The following TRIM3 variants were observed in gnomAD, a reference collection of about 807,000 sequenced individuals.
TRIM3 encodes the protein tripartite motif containing 3.
A neutral mutation model predicts 66.6 loss-of-function variants in TRIM3; 13 were observed. The ratio of observed to expected loss-of-function variants is 0.20; its 90% confidence interval spans 0.13 to 0.31. TRIM3 has a LOEUF of 0.31. Among genes scored for constraint, TRIM3 ranks in the 10% least tolerant of loss-of-function variants. The pLI is 1.00. For missense variants in TRIM3, 711 were observed against 1,020.4 expected (o/e 0.70, Z 4.13); for synonymous variants, 406 against 411.7 (o/e 0.99, Z 0.17).
chr11:6,470,495 C>T (rs1020168052), intron 1 of TRIM3, among the ~76,000 whole-genome samples: 1 of 152,200 alleles, frequency 6.6e-6, no homozygotes, highest in Non-Finnish European at 1.5e-5. Context: ...CCTCAAACTC[C>T]TGGGCTCAAC....
At position 6,448,836 on chromosome 11, in the gene TRIM3, G is replaced by A; in HGVS notation, c.*192C>T. On this transcript the variant is annotated 3_prime_UTR_variant, in exon 12 of 12. Transcript: ENST00000345851. ...TGGGACCACAGTCCAGGCTCACCCA[G>A]TCACCAAAGCAAGAACCGAATAAAT... 1.5e-6 allele frequency: 1 copy of A among 675,630 alleles called. No homozygotes were observed. The highest frequency in any genetic ancestry group is 2.5e-6 in the Non-Finnish European group (1 of 393,312). 41.9% of individuals were successfully genotyped at this position (675,630 alleles called of 1,614,324 possible).
In TRIM3 at chr11:6,457,225, A is replaced by T. The variant is rs564318768; in HGVS notation, c.696+71T>A. The T allele has an allele frequency of 3.9e-5, 62 of 1,573,408 alleles. 1 individual carries two copies. The African/African-American group carries it at 8.2e-4, about 21-fold the overall frequency. On this transcript the variant is annotated intron_variant, in intron 5 of 11. Coordinates refer to ENST00000345851, the MANE Select transcript of TRIM3 (RefSeq NM_033278.4). This position sits in a 1 kb window ranked among gnomAD's most constrained non-coding sequence, Gnocchi z 4.5. ...GGGGAATGGGGAGCTGGTGTGGAAGACAGAGGAACAATGGAGGCAATAACA... is the reference window on the plus strand; with the variant it reads ...GGGGAATGGGGAGCTGGTGTGGAAGTCAGAGGAACAATGGAGGCAATAACA...
At position 6,456,879 on chromosome 11, in the gene TRIM3, C is replaced by A; in HGVS notation, c.847G>T (p.Ala283Ser). 6.2e-7 allele frequency: 1 copy of A among 1,612,484 alleles called. No individual in the cohort carries two copies. The highest frequency in any genetic ancestry group is 8.5e-7 in the Non-Finnish European group (1 of 1,179,960). Residue 283 changes from alanine (A) to serine (S), a missense_variant, in exon 6 of 12, where the codon GCA (alanine) becomes TCA (serine). Transcript: ENST00000345851. The surrounding 1 kb of genome is among the most constrained non-coding windows in gnomAD (Gnocchi z 6.4). ...HMRERLAALA[A>S]QAFPERPHEN... ...TGTGGCCGCTCCGGGAAGGCCTGTGCCGCCAATGCAGCCAGCCGCTCTCGC... is the reference window on the plus strand; with the variant it reads ...TGTGGCCGCTCCGGGAAGGCCTGTGACGCCAATGCAGCCAGCCGCTCTCGC...
intron 7 of TRIM3, chr11:6,451,711 G>A (rs186310483): frequency 1.1e-4 from 47 of 437,898 alleles, no homozygotes; most frequent in African/African-American, 8.8e-4. Flanking sequence ...TAATGAGGAT[G>A]CCACATAAAC....
At chr11:6,462,464 G>C (rs1850289877) in intron 2 of TRIM3, among the ~76,000 whole-genome samples, 1 of 152,118 alleles carries the variant, frequency 6.6e-6, no homozygotes, top group African/African-American at 2.4e-5. Flanking sequence ...CTAGAGTGCA[G>C]TGATGTGATC....
chr11:6,469,954 CTG>C (rs570330349), intron 1 of TRIM3, among the ~76,000 whole-genome samples: 295 of 152,228 alleles, frequency 1.9e-3, no homozygotes, highest in Non-Finnish European at 3.1e-3. Context: ...GAATCAGACA[CTG>C]TGATGGGAGG....
chr11:6,470,840 A>C (rs1332729875), intron 1 of TRIM3, among the ~76,000 whole-genome samples: 1 of 152,226 alleles, frequency 6.6e-6, no homozygotes, highest in Non-Finnish European at 1.5e-5. Context: ...GAGTCTGCAA[A>C]GAAGATTGAG....
At chr11:6,451,806 C>T (rs1027007963) in intron 7 of TRIM3, 7 of 237,328 alleles carry the variant, frequency 2.9e-5, no homozygotes, top group African/African-American at 1.6e-4. Flanking sequence ...ATGGGCACCA[C>T]TTGAGGACTT....
At position 6,456,625 on chromosome 11, in the gene TRIM3, G is replaced by A. The variant is rs767557176; in HGVS notation, c.1101C>T (p.Thr367=). 43 of 1,612,714 alleles carry A rather than the reference G, an allele frequency of 2.7e-5. 1 individual carries two copies. The highest frequency in any genetic ancestry group is 3.3e-4 in the Middle Eastern group (2 of 6,062). ...TGSAELRAEI[T]GPDGTRLPVP... ...CCGGAAGGCGCGTGCCGTCCGGGCC[G>A]GTGATCTCTGCACGCAGCTCAGCGC... The change falls in exon 6 of 12, where the codon ACC becomes ACT. Residue 367 remains threonine (T), a synonymous_variant. Transcript: ENST00000345851. The surrounding 1 kb of genome is among the most constrained non-coding windows in gnomAD (Gnocchi z 6.4).
chr11:6,450,783 G>T lies in TRIM3; in HGVS notation c.1870+109C>A. ...GATAGGGCTAACGTAAGGGAAGTGG[G>T]ATCTCCAGAGCCAAGATATAGGAGG... On this transcript the variant is annotated intron_variant, in intron 9 of 11. Transcript: ENST00000345851. The surrounding 1 kb of genome is among the most constrained non-coding windows in gnomAD (Gnocchi z 4.8). 6.7e-7 allele frequency: 1 copy of T among 1,500,196 alleles called. No individual in the cohort carries two copies. Among genetic ancestry groups the T allele is most frequent in the Non-Finnish European group, 9.2e-7 (1 of 1,091,774 alleles). 92.9% of individuals were successfully genotyped at this position (1,500,196 alleles called of 1,614,324 possible).
Position 6,458,060 on chromosome 11 carries a change from C to A in TRIM3, c.363+5G>T. The A allele has an allele frequency of 6.3e-7, 1 of 1,596,598 alleles. No individual in the cohort carries two copies. The highest frequency in any genetic ancestry group is 8.5e-7 in the Non-Finnish European group (1 of 1,171,178). ...CCGGCCTCACTGGGCCTCGCTTGGGCCCACCTTGCCTTCATGGTTGGGGCA... is the reference window on the plus strand; with the variant it reads ...CCGGCCTCACTGGGCCTCGCTTGGGACCACCTTGCCTTCATGGTTGGGGCA... On this transcript the variant is annotated splice_donor_5th_base_variant and intron_variant, in intron 3 of 11. Coordinates refer to ENST00000345851, the MANE Select transcript of TRIM3 (RefSeq NM_033278.4). The surrounding 1 kb of genome is among the most constrained non-coding windows in gnomAD (Gnocchi z 6.2).
rs1451321032 is a variant in TRIM3 at position 6,457,485 on chromosome 11, G to A, written c.516-9C>T. 6.2e-7 allele frequency: 1 copy of A among 1,610,726 alleles called. No homozygotes were observed. The highest frequency in any genetic ancestry group is 1.1e-5 in the South Asian group (1 of 90,968). On this transcript the variant is annotated splice_polypyrimidine_tract_variant and intron_variant, in intron 4 of 11. Transcript: ENST00000345851. The surrounding 1 kb of genome is among the most constrained non-coding windows in gnomAD (Gnocchi z 4.5). ...CGGACAGCTGTGGCAATCTGGAGGG[G>A]GAATATCTCATTCCAGAGTTGCTGA... is the stretch of plus-strand genomic sequence containing the variant.
In TRIM3 at chr11:6,450,291, T is replaced by C; in HGVS notation, c.1941+260A>G. On this transcript the variant is annotated intron_variant, in intron 10 of 11. Coordinates refer to ENST00000345851, the MANE Select transcript of TRIM3 (RefSeq NM_033278.4). This position sits in a 1 kb window ranked among gnomAD's most constrained non-coding sequence, Gnocchi z 4.8. ...CTATCACAGAATCTATTACATCATA[T>C]TGTAATTTTTTGGTTACCTTTTTCT... 1 of 521,550 alleles carries C rather than the reference T, an allele frequency of 1.9e-6. No homozygotes were observed. Among genetic ancestry groups the C allele is most frequent in the Non-Finnish European group, 3.4e-6 (1 of 291,682 alleles). The allele number at this position is 521,550 out of a possible 1,614,324, so 32.3% of individuals were successfully genotyped here.
rs778075390 is a variant in TRIM3, at chr11:6,449,495, G to A, written c.1942-49C>T. The A allele has an allele frequency of 8.3e-6, 13 of 1,574,764 alleles. No individual in the cohort carries two copies. Among genetic ancestry groups the A allele is most frequent in the Non-Finnish European group, 1.1e-5 (13 of 1,155,774 alleles). On this transcript the variant is annotated intron_variant, in intron 10 of 11. Coordinates refer to ENST00000345851, the MANE Select transcript of TRIM3 (RefSeq NM_033278.4). The surrounding 1 kb of genome is among the most constrained non-coding windows in gnomAD (Gnocchi z 5.3). ...CTGGGGACCTGGCCTCAGGCAGAGGGTAGGGCTTTGGAGGAGGATAGGGTG... is the reference window on the plus strand; with the variant it reads ...CTGGGGACCTGGCCTCAGGCAGAGGATAGGGCTTTGGAGGAGGATAGGGTG...
chr11:6,453,825 A>T (rs1849844019), intron 7 of TRIM3, among the ~76,000 whole-genome samples: 1 of 152,238 alleles, frequency 6.6e-6, no homozygotes, highest in South Asian at 2.1e-4. Context: ...GAAAACGGTC[A>T]TGTCGTGAGG....
rs2079749653 is a variant in TRIM3, at chr11:6,456,026, G to C, written c.1533+46C>G. 1 of 1,578,986 alleles carries C rather than the reference G, an allele frequency of 6.3e-7. No homozygotes were observed. The highest frequency in any genetic ancestry group is 8.7e-7 in the Non-Finnish European group (1 of 1,148,322). ...CTATCTTTTCAGTAGCCTGTAGCTTGAAAACTCTTATTTTGGTGGTGGAGG... is the reference window on the plus strand; with the variant it reads ...CTATCTTTTCAGTAGCCTGTAGCTTCAAAACTCTTATTTTGGTGGTGGAGG... On this transcript the variant is annotated intron_variant, in intron 7 of 11. Transcript: ENST00000345851. This position sits in a 1 kb window ranked among gnomAD's most constrained non-coding sequence, Gnocchi z 6.4.
At position 6,450,529 on chromosome 11, in the gene TRIM3, C is replaced by T. The variant is rs776073986; in HGVS notation, c.1941+22G>A. ...GGAAAGGATGTTGGGACAGTGGTCA[C>T]GGAGGGAGGGAAGACACTGACCTTC... is the stretch of plus-strand genomic sequence containing the variant. On this transcript the variant is annotated intron_variant, in intron 10 of 11. Coordinates refer to ENST00000345851, the MANE Select transcript of TRIM3 (RefSeq NM_033278.4). This position sits in a 1 kb window ranked among gnomAD's most constrained non-coding sequence, Gnocchi z 4.8. The T allele has an allele frequency of 3.9e-5, 63 of 1,608,470 alleles. No homozygotes were observed. The highest frequency in any genetic ancestry group is 1.6e-4 in the Middle Eastern group (1 of 6,074).
In TRIM3 at chr11:6,448,627, T is replaced by A; in HGVS notation, c.*401A>T. The A allele has an allele frequency of 2.6e-6, 1 of 391,502 alleles. No individual in the cohort carries two copies. The highest frequency in any genetic ancestry group is 4.1e-5 in the East Asian group (1 of 24,446). 24.3% of individuals were successfully genotyped at this position (391,502 alleles called of 1,614,324 possible). ...CAGCAAAAACATCTTGGTGAAGACA[T>A]TTATTTAATATGGGGGGTGGGGTAT... On this transcript the variant is annotated 3_prime_UTR_variant, in exon 12 of 12. Transcript: ENST00000345851.
intron 1 of TRIM3, among the ~76,000 whole-genome samples, chr11:6,470,774 G>A (rs1850657994): frequency 6.6e-6 from 1 of 152,108 alleles, no homozygotes; most frequent in African/African-American, 2.4e-5. Context: ...GAGAAAGGAG[G>A]GTCTATCACC....
Sources: allele counts gnomAD v4.1 joint callset (sites outside exome capture counted in the v4.1 genomes callset), GRCh38; gene constraint gnomAD v4.1.1; non-coding constraint Gnocchi (gnomAD v3.1); transcripts MANE v1.5; gene names NCBI Gene and HGNC (gene_info 2026-07-23, HGNC 2026-07-21).